The following DPP10 variants were observed in gnomAD, a reference collection of about 807,000 sequenced individuals.
DPP10 encodes the protein dipeptidyl peptidase like 10, also known as inactive dipeptidyl peptidase 10.
In DPP10, 33 loss-of-function variants were observed where a neutral mutation model predicts 120.9. The observed-to-expected ratio is 0.27, with a 90% CI of 0.21 to 0.37. The LOEUF is 0.37. Ranked by LOEUF, DPP10 falls within the 10% of genes least tolerant of loss-of-function variation. The pLI is 1.00. For missense variants in DPP10, 816 were observed against 942.8 expected (o/e 0.87, Z 1.76); for synonymous variants, 337 against 326.1 (o/e 1.03, Z -0.36).
At chr2:115,686,588 A>C (rs894298065) in intron 5 of DPP10, among the ~76,000 whole-genome samples, 2 of 152,004 alleles carry the variant, frequency 1.3e-5, no homozygotes, top group African/African-American at 4.8e-5. Flanking sequence ...CTTAGTAATC[A>C]AACTCTTCTT....
intron 1 of DPP10, among the ~76,000 whole-genome samples, chr2:114,574,112 A>G (rs949379149): frequency 1.3e-5 from 2 of 152,196 alleles, no homozygotes; most frequent in African/African-American, 4.8e-5. Context: ...TGAAAGACTC[A>G]GGACATTTCT....
intron 1 of DPP10, among the ~76,000 whole-genome samples, chr2:114,579,325 C>T (rs957762064): frequency 6.6e-6 from 1 of 152,086 alleles, no homozygotes; most frequent in African/African-American, 2.4e-5. Context: ...TGATTGTTTT[C>T]CACTTGCCAC....
In DPP10 at chr2:114,699,216, T is replaced by C. The variant is rs1237645276; in HGVS notation, c.60+256378T>C. Among the ~76,000 whole-genome samples the C allele has an allele frequency of 2.0e-5, 3 of 152,224 alleles. No homozygotes were observed. The South Asian group carries it at 6.2e-4, about 32-fold the overall frequency. ...TGCTATATACATCTTGGAGGTACCA[T>C]GAAGGCATGGCCCAAGCTGTATATA... On this transcript the variant is annotated intron_variant, in intron 1 of 25. Transcript: ENST00000410059.
chr2:115,033,603 A>G (rs1018570140), intron 1 of DPP10, among the ~76,000 whole-genome samples: 1 of 152,060 alleles, frequency 6.6e-6, no homozygotes, highest in Non-Finnish European at 1.5e-5. Flanking sequence ...CTTAAAATAG[A>G]GTAATAAATT....
chr2:115,003,918 A>T (rs1188617771), intron 1 of DPP10, among the ~76,000 whole-genome samples: 1 of 152,226 alleles, frequency 6.6e-6, no homozygotes, highest in African/African-American at 2.4e-5. Flanking sequence ...AGTTTACTAC[A>T]TAATGCATAC....
chr2:114,707,898 A>G (rs922804795), intron 1 of DPP10, among the ~76,000 whole-genome samples: 3 of 152,122 alleles, frequency 2.0e-5, no homozygotes, highest in Non-Finnish European at 4.4e-5. Context: ...CAAATTTCCA[A>G]TCCCAGGGGG....
At chr2:114,611,159 A>G (rs540989134) in intron 1 of DPP10, among the ~76,000 whole-genome samples, 1 of 152,236 alleles carries the variant, frequency 6.6e-6, no homozygotes, top group East Asian at 1.9e-4. Flanking sequence ...TCAGGCACCA[A>G]GCAGAAATGG....
rs1317038529 is a variant in DPP10, at chr2:115,844,752, GA to G, written c.*2414del. 7.9e-5 allele frequency: 12 copies of G among 151,968 alleles called. No individual in the cohort carries two copies. Among genetic ancestry groups the G allele is most frequent in the African/African-American group, 2.7e-4 (11 of 41,404 alleles). The allele number at this position is 151,968 out of a possible 1,614,324, so 9.4% of individuals were successfully genotyped here. A position where few individuals can be genotyped will look rare whatever the true frequency, so the allele number is the denominator to read the frequency against. ...GTGTTATTATTCCCTTAATGTTAAA[GA>G]AAAAAATCAATATATTGAATTCTTT... On this transcript the variant is annotated 3_prime_UTR_variant, in exon 26 of 26. Transcript: ENST00000410059.
At chr2:115,654,283 A>C (rs1346584542) in intron 5 of DPP10, among the ~76,000 whole-genome samples, 1 of 151,866 alleles carries the variant, frequency 6.6e-6, no homozygotes, top group Non-Finnish European at 1.5e-5. Flanking sequence ...ACAAACAAGA[A>C]ATCAAAGCGA....
At chr2:115,131,812 G>T (rs2050374673) in intron 1 of DPP10, 1 of 152,030 alleles carries the variant, frequency 6.6e-6, no homozygotes, top group Non-Finnish European at 1.5e-5. Flanking sequence ...TTCTGGGCTG[G>T]GCATGGTGGC....
intron 1 of DPP10, among the ~76,000 whole-genome samples, chr2:114,976,785 T>C (rs1034940675): frequency 6.6e-6 from 1 of 152,200 alleles, no homozygotes; most frequent in African/African-American, 2.4e-5. Context: ...ATTGTGCCTA[T>C]TTAGTTTGCA....
intron 19 of DPP10, among the ~76,000 whole-genome samples, chr2:115,796,686 T>C (rs1684568120): frequency 6.6e-6 from 1 of 152,196 alleles, no homozygotes; most frequent in Middle Eastern, 3.4e-3. Context: ...CTTTTTACAA[T>C]TTTTTTACTT....
At chr2:115,033,364 C>A (rs1384930844) in intron 1 of DPP10, among the ~76,000 whole-genome samples, 1 of 152,128 alleles carries the variant, frequency 6.6e-6, no homozygotes, top group Non-Finnish European at 1.5e-5. Context: ...ACTCTCCTGA[C>A]CTTCTGTCAC....
intron 5 of DPP10, among the ~76,000 whole-genome samples, chr2:115,643,230 G>A (rs192715524): frequency 1.3e-5 from 2 of 152,218 alleles, no homozygotes; most frequent in East Asian, 3.9e-4. Context: ...GTTACGGTAC[G>A]TACAACTTGT....
intron 3 of DPP10, among the ~76,000 whole-genome samples, chr2:115,496,186 A>C (rs1381862935): frequency 1.3e-5 from 2 of 151,792 alleles, no homozygotes; most frequent in African/African-American, 4.8e-5. Flanking sequence ...TATAAAGAAC[A>C]AAAAAAACCC....
intron 5 of DPP10, among the ~76,000 whole-genome samples, chr2:115,637,122 T>C (rs2086402115): frequency 6.6e-6 from 1 of 151,926 alleles, no homozygotes; most frequent in Non-Finnish European, 1.5e-5. Flanking sequence ...AAAGGTATAA[T>C]GTAAACAGAA....
chr2:115,148,129 T>G (rs1395785143), intron 1 of DPP10, among the ~76,000 whole-genome samples: 1 of 152,202 alleles, frequency 6.6e-6, no homozygotes, highest in South Asian at 2.1e-4. Context: ...CATTGTCACC[T>G]GAAGCCACAA....
At chr2:115,750,282 T>A in intron 10 of DPP10, 1 of 834,342 alleles carries the variant, frequency 1.2e-6, no homozygotes, top group Non-Finnish European at 1.4e-6. Context: ...CAGGGAGATG[T>A]ACACCTAGGC....
At chr2:115,697,801 C>T (rs377708561) in intron 7 of DPP10, among the ~76,000 whole-genome samples, 19 of 151,772 alleles carry the variant, frequency 1.3e-4, no homozygotes, top group South Asian at 4.2e-4. Context: ...CTGGCTAACA[C>T]GGTGAAACCC....
Sources: gnomAD v4.1 joint callset for allele counts (sites outside exome capture counted in the v4.1 genomes callset) on GRCh38, gnomAD v4.1.1 for gene constraint, MANE v1.5 for transcripts, NCBI Gene and HGNC (gene_info 2026-07-23, HGNC 2026-07-21) for gene names.